PCDHGB3: variants seen among roughly 807,000 people sequenced by gnomAD.
PCDHGB3 encodes the protein protocadherin gamma subfamily B, 3.
PCDHGB3 carries 40 observed loss-of-function variants against 59.2 expected under a neutral mutation model. That is an observed-to-expected ratio of 0.68 (90% CI 0.52 to 0.88). The LOEUF is 0.88. Among genes scored for constraint, PCDHGB3 ranks in the 40% least tolerant of loss-of-function variants. The pLI is 0.00. For synonymous variants in PCDHGB3, 581 were observed against 503.6 expected, an observed-to-expected ratio of 1.15 and a Z score of -2.06; for missense variants, 1,309 against 1,187.9, an observed-to-expected ratio of 1.10 and a Z score of -1.50.
intron 1 of PCDHGB3, chr5:141,426,408 G>A (rs2096933631): frequency 1.2e-5 from 3 of 258,388 alleles, no homozygotes; most frequent in South Asian, 4.8e-5. Flanking sequence ...CAGAAGAAAC[G>A]GTCCAGGGCT....
At chr5:141,443,853 A>G (rs929370798) in intron 1 of PCDHGB3, among the ~76,000 whole-genome samples, 3 of 152,230 alleles carry the variant, frequency 2.0e-5, no homozygotes, top group African/African-American at 7.2e-5. Flanking sequence ...GGAAAGTCTG[A>G]AAACTGAAAA....
chr5:141,399,495 T>C, intron 1 of PCDHGB3: 1 of 1,614,034 alleles, frequency 6.2e-7, no homozygotes, highest in Non-Finnish European at 8.5e-7. Context: ...ACTTAGTCAG[T>C]GTACCCGAAA....
chr5:141,413,352 G>A (rs896091511), intron 1 of PCDHGB3: 1 of 1,613,976 alleles, frequency 6.2e-7, no homozygotes, highest in African/African-American at 1.3e-5. Flanking sequence ...TGGGTCTGGC[G>A]CCCCGGGAGC....
chr5:141,497,385 C>T (rs2154592097), intron 2 of PCDHGB3, among the ~76,000 whole-genome samples: 1 of 152,212 alleles, frequency 6.6e-6, no homozygotes, highest in African/African-American at 2.4e-5. Flanking sequence ...GGGGTGAGCA[C>T]CTTACCCCTG....
intron 1 of PCDHGB3, among the ~76,000 whole-genome samples, chr5:141,446,686 C>T (rs574630887): frequency 1.3e-5 from 2 of 152,294 alleles, no homozygotes; most frequent in African/African-American, 4.8e-5. Context: ...CCATATTGGC[C>T]AGGCTGGTCT....
chr5:141,469,284 A>G lies in PCDHGB3; in HGVS notation c.2416-25523A>G, dbSNP rs192391622. On this transcript the variant is annotated intron_variant, in intron 1 of 3. Transcript: ENST00000576222. ...AGAGCAAGACCCCATCTCAAAAAAT[A>G]AAACAAAATAGACTGGGCACGATGG... Among the ~76,000 whole-genome samples, 595 of 152,012 alleles carry G rather than the reference A, an allele frequency of 3.9e-3. 6 individuals are homozygous for G. The highest frequency in any genetic ancestry group is 0.011 in the Admixed American group (171 of 15,260).
chr5:141,502,087 C>T (rs1289663374), intron 2 of PCDHGB3, among the ~76,000 whole-genome samples: 1 of 152,180 alleles, frequency 6.6e-6, no homozygotes, highest in Admixed American at 6.5e-5. Context: ...GGGCTGAGAA[C>T]ACCTGGCCTT....
chr5:141,396,025 T>G (rs1486088514), intron 1 of PCDHGB3: 4 of 152,248 alleles, frequency 2.6e-5, no homozygotes, highest in African/African-American at 2.4e-5. Context: ...TTGTAAAATA[T>G]GTAAGAACAT....
At chr5:141,388,860 A>T (rs781769294) in intron 1 of PCDHGB3, 2 of 1,613,902 alleles carry the variant, frequency 1.2e-6, no homozygotes, top group South Asian at 2.2e-5. Flanking sequence ...TGGAGGAATG[A>T]TTGCGCAATG....
At chr5:141,482,572 T>C (rs1367788391) in intron 1 of PCDHGB3, among the ~76,000 whole-genome samples, 1 of 137,636 alleles carries the variant, frequency 7.3e-6, no homozygotes, top group Admixed American at 7.3e-5. Context: ...CTGCATAGCA[T>C]AAGATGCAGT....
chr5:141,408,937 C>T (rs2095198483), intron 1 of PCDHGB3: 5 of 1,613,344 alleles, frequency 3.1e-6, no homozygotes, highest in African/African-American at 1.3e-5. Flanking sequence ...TCAGCAGAGA[C>T]GAATATAGAA....
chr5:141,384,658 C>T lies in PCDHGB3; in HGVS notation c.2415+11849C>T, dbSNP rs755303317. 9.3e-6 allele frequency: 15 copies of T among 1,614,104 alleles called. No homozygotes were observed. The African/African-American group carries it at 1.7e-4, about 19-fold the overall frequency. Reference sequence around the variant, plus strand: ...ACCCCGCTCCGCAGAGCCCGGCTACCTGGTGACCAAGGTGGTGGCGGTGGA... The same window carrying T: ...ACCCCGCTCCGCAGAGCCCGGCTACTTGGTGACCAAGGTGGTGGCGGTGGA... On this transcript the variant is annotated intron_variant, in intron 1 of 3. Coordinates refer to ENST00000576222, the MANE Select transcript of PCDHGB3 (RefSeq NM_018924.5).
Position 141,512,040 on chromosome 5 carries a change from A to G in PCDHGB3, c.*867A>G, listed in dbSNP as rs775766584. 1.3e-5 allele frequency: 2 copies of G among 152,838 alleles called. No homozygotes were observed. The highest frequency in any genetic ancestry group is 2.9e-5 in the Non-Finnish European group (2 of 68,198). 9.5% of individuals were successfully genotyped at this position (152,838 alleles called of 1,614,324 possible). A position where few individuals can be genotyped will look rare whatever the true frequency, so the allele number is the denominator to read the frequency against. ...ATCAAGGCCTTGGAGGAGGCTCTGT[A>G]TGTCCTCAGGGGACTGACAACATCC... On this transcript the variant is annotated 3_prime_UTR_variant, in exon 4 of 4. Coordinates refer to ENST00000576222, the MANE Select transcript of PCDHGB3 (RefSeq NM_018924.5).
chr5:141,419,662 T>C (rs767190243), intron 1 of PCDHGB3: 140 of 1,612,700 alleles, frequency 8.7e-5, no homozygotes, highest in South Asian at 2.2e-5. Flanking sequence ...CGGGGCACAA[T>C]GCCTGGCTGT....
intron 1 of PCDHGB3, chr5:141,384,391 G>A: frequency 1.2e-6 from 2 of 1,613,920 alleles, no homozygotes; most frequent in Non-Finnish European, 1.7e-6. Context: ...CACCATCCAG[G>A]GGGCTCCAGT....
At chr5:141,375,021 G>C (rs780712160) in intron 1 of PCDHGB3, 3 of 1,614,036 alleles carry the variant, frequency 1.9e-6, no homozygotes, top group Non-Finnish European at 2.5e-6. Context: ...GAGGACTCGA[G>C]TTTTTATGAG....
rs544565104 is a variant in PCDHGB3, at chr5:141,489,014, G to A, written c.2416-5793G>A. 2.5e-5 allele frequency: 11 copies of A among 433,976 alleles called. No individual in the cohort carries two copies. The highest frequency in any genetic ancestry group is 1.6e-4 in the Admixed American group (4 of 25,754). The allele number at this position is 433,976 out of a possible 1,614,324, so 26.9% of individuals were successfully genotyped here. On this transcript the variant is annotated intron_variant, in intron 1 of 3. Coordinates refer to ENST00000576222, the MANE Select transcript of PCDHGB3 (RefSeq NM_018924.5). This position sits in a 1 kb window ranked among gnomAD's most constrained non-coding sequence, Gnocchi z 4.5. ...GGTGGGAGATCTGCTCTTCCAGCCC[G>A]CCTCTCCTCCTCCAGCTCCCCAGCT... is the stretch of plus-strand genomic sequence containing the variant.
intron 1 of PCDHGB3, among the ~76,000 whole-genome samples, chr5:141,484,322 T>C (rs2099594801): frequency 6.6e-6 from 1 of 152,214 alleles, no homozygotes; most frequent in Non-Finnish European, 1.5e-5. Flanking sequence ...TTCCATACTG[T>C]CCTTGAAATC....
chr5:141,413,391 C>T lies in PCDHGB3; in HGVS notation c.2415+40582C>T, dbSNP rs375582894. ...CGGAGCGCGGAGTCCGCATAGTCTC[C>T]AGAGGTAGGACGCAGCTTTTCTCTC... On this transcript the variant is annotated intron_variant, in intron 1 of 3. Transcript: ENST00000576222. The T allele has an allele frequency of 1.2e-5, 19 of 1,613,902 alleles. No homozygotes were observed. In the African/African-American group the frequency reaches 2.4e-4, roughly 20 times the overall value.
Sources: gnomAD v4.1 joint callset for allele counts (sites outside exome capture counted in the v4.1 genomes callset) on GRCh38, gnomAD v4.1.1 for gene constraint, Gnocchi (gnomAD v3.1) non-coding constraint, MANE v1.5 for transcripts, NCBI Gene and HGNC (gene_info 2026-07-23, HGNC 2026-07-21) for gene names.